Variants in CD99 observed in about 807,000 individuals in gnomAD.
CD99 encodes the protein CD99 antigen.
In CD99, 19 loss-of-function variants were observed where a neutral mutation model predicts 28.4. That is an observed-to-expected ratio of 0.67 (90% CI 0.47 to 0.98). The LOEUF is 0.98. Ranked by LOEUF, CD99 falls within the 50% of genes least tolerant of loss-of-function variation. The probability of loss-of-function intolerance (pLI) is 0.00; values close to 1 mark genes in which losing one functional copy is unlikely to be tolerated. For synonymous variants in CD99, 103 were observed against 92.1 expected (o/e 1.12, Z -0.67); for missense variants, 283 against 248.8 (o/e 1.14, Z -0.92).
intron 5 of CD99, among the ~76,000 whole-genome samples, chrX:2,721,841 T>G (rs944435312): frequency 1.7e-4 from 26 of 152,218 alleles, no homozygotes; most frequent in Non-Finnish European, 7.3e-5. Flanking sequence ...TTTAGAATTA[T>G]GAATTAACAA....
chrX:2,730,457 C>G (rs1180976778), intron 8 of CD99, among the ~76,000 whole-genome samples: 23 of 152,114 alleles, frequency 1.5e-4, no homozygotes, highest in Admixed American at 1.5e-3. Context: ...CAGGCATGAG[C>G]CACCGTGCCC....
intron 1 of CD99, among the ~76,000 whole-genome samples, chrX:2,693,302 C>A (rs1390574243): frequency 7.8e-6 from 1 of 128,456 alleles, no homozygotes; most frequent in Non-Finnish European, 1.6e-5. Flanking sequence ...GGAACTCCAG[C>A]TGCTGATGCT....
At chrX:2,732,745 A>T (rs1174467017) in intron 8 of CD99, among the ~76,000 whole-genome samples, 63 of 98,292 alleles carry the variant, frequency 6.4e-4, no homozygotes, top group Admixed American at 1.8e-3. Context: ...CTTTCTTTCC[A>T]TCCCTCCCTC....
intron 1 of CD99, among the ~76,000 whole-genome samples, chrX:2,706,057 T>C (rs1021946602): frequency 6.7e-5 from 5 of 74,244 alleles, no homozygotes; most frequent in Admixed American, 2.6e-4. Context: ...TCCAAAACGT[T>C]AAAAAGAAAA....
At chrX:2,707,606 C>T (rs2048185242) in intron 1 of CD99, among the ~76,000 whole-genome samples, 1 of 152,182 alleles carries the variant, frequency 6.6e-6, no homozygotes, top group Non-Finnish European at 1.5e-5. Context: ...TTCCGCCTTG[C>T]CCTGATGAGC....
At chrX:2,697,121 G>A (rs1024045994) in intron 1 of CD99, among the ~76,000 whole-genome samples, 12 of 152,102 alleles carry the variant, frequency 7.9e-5, no homozygotes, top group African/African-American at 2.4e-4. Context: ...TAAAGAAGCC[G>A]CATGGGCAAA....
intron 1 of CD99, among the ~76,000 whole-genome samples, chrX:2,710,175 T>TC (rs59512122): frequency 0.79 from 119,551 of 151,886 alleles, 47,124 homozygotes; most frequent in South Asian, 0.85. Flanking sequence ...GGAGGAGAGT[T>TC]CTAGTTTTAC....
rs1431799395 is a variant in CD99, at chrX:2,733,423, G to GT, written c.476-4773dup. The GT allele has an allele frequency of 7.7e-6, 12 of 1,558,752 alleles. No individual in the cohort carries two copies. In the African/African-American group the frequency reaches 1.1e-4, roughly 14 times the overall value. ...CCTGCGGAGCGTCCTGACCGTAATCGTTTTATCTGCTAAGACATAGCCTTA... is the reference window on the plus strand; with the variant it reads ...CCTGCGGAGCGTCCTGACCGTAATCGTTTTTATCTGCTAAGACATAGCCTTA... On this transcript the variant is annotated intron_variant, in intron 8 of 9. Coordinates refer to ENST00000381192, the MANE Select transcript of CD99 (RefSeq NM_002414.5).
intron 7 of CD99, 132 bp downstream of exon 7, chrX:2,723,496 T>G (rs2049107874): frequency 9.9e-7 from 1 of 1,008,198 alleles, no homozygotes; most frequent in Admixed American, 1.8e-5. Context: ...ACGGGTGTTC[T>G]GTGCCAAGTG....
intron 8 of CD99, among the ~76,000 whole-genome samples, chrX:2,730,843 T>C: frequency 6.6e-6 from 1 of 150,500 alleles, no homozygotes; most frequent in South Asian, 2.1e-4. Context: ...AGGCAGGGAA[T>C]TGCTTGAACC....
chrX:2,721,906 G>A (rs1332956288), intron 5 of CD99, among the ~76,000 whole-genome samples: 1 of 152,046 alleles, frequency 6.6e-6, no homozygotes, highest in Non-Finnish European at 1.5e-5. Context: ...GACATTTCTA[G>A]CATTCAAATA....
chrX:2,723,695 G>A (rs1181584413), intron 7 of CD99, among the ~76,000 whole-genome samples: 3 of 152,184 alleles, frequency 2.0e-5, no homozygotes, highest in Non-Finnish European at 4.4e-5. Flanking sequence ...TCAGAGGCTT[G>A]TGACGCAGTA....
At chrX:2,727,136 CA>C (rs1465550349) in intron 8 of CD99, among the ~76,000 whole-genome samples, 1 of 152,096 alleles carries the variant, frequency 6.6e-6, no homozygotes, top group Non-Finnish European at 1.5e-5. Context: ...GACTCCGTCT[CA>C]AAAAACAAAA....
rs745526807 is a variant in CD99 at position 2,740,870 on chromosome X, C to T, written c.*66C>T. The T allele has an allele frequency of 2.8e-5, 43 of 1,560,456 alleles. No homozygotes were observed. In the African/African-American group the frequency reaches 5.7e-4, roughly 21 times the overall value. On this transcript the variant is annotated 3_prime_UTR_variant, in exon 10 of 10. Transcript: ENST00000381192. Reference sequence around the variant, plus strand: ...TTAGAACAGCTGCCTGAGGCTCCTCCCTGAAGGACACCTGCCTGAGAGCAG... The same window carrying T: ...TTAGAACAGCTGCCTGAGGCTCCTCTCTGAAGGACACCTGCCTGAGAGCAG...
At chrX:2,709,560 C>A (rs1477315037) in intron 1 of CD99, among the ~76,000 whole-genome samples, 1 of 152,274 alleles carries the variant, frequency 6.6e-6, no homozygotes, top group African/African-American at 2.4e-5. Flanking sequence ...TATGCATGCA[C>A]ATGTGTGCCC....
intron 2 of CD99, chrX:2,717,353 A>G (rs950281358): frequency 2.0e-6 from 1 of 487,882 alleles, no homozygotes; most frequent in African/African-American, 1.9e-5. Flanking sequence ...GTCTCAAAAA[A>G]AAAAAAAAAA....
intron 1 of CD99, among the ~76,000 whole-genome samples, chrX:2,693,138 T>G (rs1046369670): frequency 2.7e-5 from 4 of 146,412 alleles, no homozygotes; most frequent in African/African-American, 1.0e-4. Flanking sequence ...TTTGTTTTTG[T>G]TGGTGGTGGT....
intron 7 of CD99, among the ~76,000 whole-genome samples, chrX:2,725,904 C>T (rs915426842): frequency 1.3e-5 from 2 of 152,124 alleles, no homozygotes; most frequent in Non-Finnish European, 2.9e-5. Flanking sequence ...TGAGCCACCA[C>T]GCCCAGCCCC....
At chrX:2,733,653 T>C in intron 8 of CD99, 1 of 532,550 alleles carries the variant, frequency 1.9e-6, no homozygotes, top group East Asian at 2.9e-5. Flanking sequence ...CTTTTAAACA[T>C]GAATCTAACA....
Sources: allele counts gnomAD v4.1 joint callset (sites outside exome capture counted in the v4.1 genomes callset), GRCh38; gene constraint gnomAD v4.1.1; transcripts MANE v1.5; gene names NCBI Gene and HGNC (gene_info 2026-07-23, HGNC 2026-07-21).